The following MRPL39 variants were observed in gnomAD, a reference collection of about 807,000 sequenced individuals.
MRPL39 encodes the protein mitochondrial ribosomal protein L39, also known as large ribosomal subunit protein mL39.
MRPL39 carries 35 observed loss-of-function variants against 44.5 expected under a neutral mutation model. That is an observed-to-expected ratio of 0.79 (90% CI 0.60 to 1.04). The LOEUF (loss-of-function observed/expected upper bound fraction) is 1.04. Among genes scored for constraint, MRPL39 ranks in the 50% least tolerant of loss-of-function variants. The probability of loss-of-function intolerance (pLI) is 0.00; values close to 1 mark genes in which losing one functional copy is unlikely to be tolerated. For synonymous variants in MRPL39, 139 were observed against 136.1 expected, an observed-to-expected ratio of 1.02 and a Z score of -0.15; for missense variants, 433 against 413.5, an observed-to-expected ratio of 1.05 and a Z score of -0.41.
rs750261144 is a variant in MRPL39 at position 25,607,431 on chromosome 21, C to A, written c.45G>T (p.Leu15=). 2 of 1,613,454 alleles carry A rather than the reference C, an allele frequency of 1.2e-6. No homozygotes were observed. The highest frequency in any genetic ancestry group is 3.3e-5 in the Admixed American group (2 of 60,018). ...ATTTGATCCCGCCACCGGGTGCGAC[C>A]AGCCAGAGCCGCAGCGCCCGGGAAC... The part of the protein sequence containing the change: ...AMGSRALRLW[L]VAPGGGIKWR... Residue 15 remains leucine (L), a synonymous_variant, in exon 1 of 10, where the codon CTG becomes CTT. Coordinates refer to ENST00000352957, the MANE Select transcript of MRPL39 (RefSeq NM_017446.4).
In MRPL39 at chr21:25,597,371, T is replaced by C. The variant is rs138795236; in HGVS notation, c.632A>G (p.Tyr211Cys). 2.4e-5 allele frequency: 38 copies of C among 1,602,646 alleles called. No homozygotes were observed. The African/African-American group carries it at 4.7e-4, about 20-fold the overall frequency. Reference protein sequence around the residue: ...SFTKDAHALIYKDLPFETLEV... With the variant: ...SFTKDAHALICKDLPFETLEV... ...CAGAGTTTCAAATGGAAGATCTTTATAAATTAAAGCATGAGCATCTTTTGT... is the reference window on the plus strand; with the variant it reads ...CAGAGTTTCAAATGGAAGATCTTTACAAATTAAAGCATGAGCATCTTTTGT... The change falls in exon 6 of 10, where the codon TAT becomes TGT. Residue 211 changes from tyrosine (Y) to cysteine (C), a missense_variant. Transcript: ENST00000352957.
intron 3 of MRPL39, 128 bp from the exon 4 acceptor site, chr21:25,601,595 A>G (rs559721677): frequency 6.4e-5 from 34 of 530,872 alleles, no homozygotes; most frequent in African/African-American, 6.0e-4. Context: ...TGTTCACACA[A>G]TGTAGCAACA....
rs187171847 is a variant in MRPL39 at position 25,589,235 on chromosome 21, T to C, written c.922-353A>G. On this transcript the variant is annotated intron_variant, in intron 8 of 9. Transcript: ENST00000352957. ...AGCAAAAATCTGCCCTACTTTCCCA[T>C]AGACTGTGGTTCAATCCTTAAACAG... Among the ~76,000 whole-genome samples, 1,224 of 152,262 alleles carry C rather than the reference T, an allele frequency of 8.0e-3. 11 individuals carry two copies. Among genetic ancestry groups the C allele is most frequent in the Non-Finnish European group, 0.012 (820 of 68,014 alleles).
chr21:25,591,783 A>G (rs1298267538), intron 8 of MRPL39, among the ~76,000 whole-genome samples: 1 of 152,238 alleles, frequency 6.6e-6, no homozygotes, highest in East Asian at 1.9e-4. Flanking sequence ...TTAAAAAACT[A>G]AACATACACT....
Position 25,601,479 on chromosome 21 carries a change from A to T in MRPL39, c.421-12T>A. ...GAACGCCAATATGCCTAGAAAAAAAATATACATATATAAAATATATATAAA... is the reference window on the plus strand; with the variant it reads ...GAACGCCAATATGCCTAGAAAAAAATTATACATATATAAAATATATATAAA... On this transcript the variant is annotated splice_polypyrimidine_tract_variant and intron_variant, in intron 3 of 9. Coordinates refer to ENST00000352957, the MANE Select transcript of MRPL39 (RefSeq NM_017446.4). 1 of 1,507,386 alleles carries T rather than the reference A, an allele frequency of 6.6e-7. No individual in the cohort carries two copies. The highest frequency in any genetic ancestry group is 1.8e-4 in the Middle Eastern group (1 of 5,706). 93.4% of individuals were successfully genotyped at this position (1,507,386 alleles called of 1,614,324 possible).
intron 9 of MRPL39, among the ~76,000 whole-genome samples, chr21:25,588,604 C>A (rs1350233283): frequency 6.6e-6 from 1 of 152,180 alleles, no homozygotes; most frequent in Non-Finnish European, 1.5e-5. Flanking sequence ...TCAAGTTCTA[C>A]AATATCATTT....
chr21:25,598,534 C>A (rs1428997066), intron 5 of MRPL39, among the ~76,000 whole-genome samples: 1 of 151,772 alleles, frequency 6.6e-6, no homozygotes, highest in Non-Finnish European at 1.5e-5. Flanking sequence ...ACCTAACTTG[C>A]CCCAGTAAAA....
chr21:25,589,108 G>C (rs184354659), intron 8 of MRPL39, among the ~76,000 whole-genome samples: 4 of 152,314 alleles, frequency 2.6e-5, no homozygotes, highest in African/African-American at 9.6e-5. Flanking sequence ...AGAGGTTGCA[G>C]TGAGCATTTA....
upstream of MRPL39, chr21:25,607,619 G>C: frequency 1.3e-6 from 1 of 798,290 alleles, no homozygotes; most frequent in Non-Finnish European, 1.9e-6. Flanking sequence ...GTCAGGCCTC[G>C]CTGGGGATTC....
intron 1 of MRPL39, 107 bp from the exon 2 acceptor site, chr21:25,606,762 A>C: frequency 2.4e-6 from 2 of 840,988 alleles, no homozygotes; most frequent in Non-Finnish European, 3.7e-6. Flanking sequence ...AACAAACACC[A>C]GCGGAAGAAA....
chr21:25,588,744 T>G, intron 9 of MRPL39, 91 bp downstream of exon 9: 3 of 1,208,164 alleles, frequency 2.5e-6, no homozygotes, highest in Non-Finnish European at 3.6e-6. Flanking sequence ...TTCTCTTTGT[T>G]TCTTTCATTT....
chr21:25,607,505 C>T (rs1568868693), upstream of MRPL39: 3 of 1,604,312 alleles, frequency 1.9e-6, no homozygotes, highest in Non-Finnish European at 2.5e-6. Context: ...GCGCGCAAGT[C>T]CTTCTCCGCC....
chr21:25,592,191 G>A (rs983889884), intron 8 of MRPL39, among the ~76,000 whole-genome samples: 3 of 152,136 alleles, frequency 2.0e-5, no homozygotes, highest in Admixed American at 6.5e-5. Context: ...AGAGGGAAGT[G>A]GCTGTAAATG....
At chr21:25,599,659 T>TA (rs1408942568) in intron 5 of MRPL39, 140 bp downstream of exon 5, 1 of 669,208 alleles carries the variant, frequency 1.5e-6, no homozygotes, top group East Asian at 2.8e-5. Flanking sequence ...GACAGACAGA[T>TA]ACATAGATAC....
intron 8 of MRPL39, among the ~76,000 whole-genome samples, chr21:25,592,166 G>A (rs2031197979): frequency 6.6e-6 from 1 of 152,158 alleles, no homozygotes; most frequent in South Asian, 2.1e-4. Context: ...AAGCAGGCAG[G>A]GTAATGGGGG....
At chr21:25,605,654 C>T (rs2031640821) in intron 2 of MRPL39, among the ~76,000 whole-genome samples, 1 of 152,156 alleles carries the variant, frequency 6.6e-6, no homozygotes, top group African/African-American at 2.4e-5. Flanking sequence ...CAAGCAAATT[C>T]CAGCTACTTG....
At chr21:25,588,167 T>C (rs931648209) in intron 9 of MRPL39, among the ~76,000 whole-genome samples, 3 of 152,002 alleles carry the variant, frequency 2.0e-5, no homozygotes, top group African/African-American at 7.2e-5. Context: ...AAAAAATTAG[T>C]TGGACGTAGT....
intron 8 of MRPL39, among the ~76,000 whole-genome samples, chr21:25,592,389 C>T (rs1370123778): frequency 6.6e-6 from 1 of 151,972 alleles, no homozygotes; most frequent in Non-Finnish European, 1.5e-5. Flanking sequence ...ATCTCAAAAT[C>T]AAAAATTTAA....
intron 9 of MRPL39, among the ~76,000 whole-genome samples, chr21:25,587,442 A>G (rs2031034185): frequency 6.6e-6 from 1 of 152,224 alleles, no homozygotes. Context: ...GTCCCTAAAC[A>G]ATAATTCCTA....
Sources: gnomAD v4.1 joint callset for allele counts (sites outside exome capture counted in the v4.1 genomes callset) on GRCh38, gnomAD v4.1.1 for gene constraint, MANE v1.5 for transcripts, NCBI Gene and HGNC (gene_info 2026-07-23, HGNC 2026-07-21) for gene names.